CACNA2D3: variants seen among roughly 807,000 people sequenced by gnomAD.
The protein encoded by CACNA2D3 is calcium voltage-gated channel auxiliary subunit alpha2delta 3, also known as voltage-dependent calcium channel subunit alpha-2/delta-3.
A neutral mutation model predicts 160.6 loss-of-function variants in CACNA2D3; 60 were observed. The observed-to-expected ratio is 0.37, with a 90% CI of 0.30 to 0.46. The LOEUF is 0.46. Among genes scored for constraint, CACNA2D3 ranks in the 20% least tolerant of loss-of-function variants. CACNA2D3 has a pLI of 1.00. For synonymous variants in CACNA2D3, 558 were observed against 492.9 expected (o/e 1.13, Z -1.75); for missense variants, 1,205 against 1,365.0 (o/e 0.88, Z 1.85).
chr3:55,000,783 C>T (rs748555465), intron 31 of CACNA2D3, among the ~76,000 whole-genome samples: 1 of 152,060 alleles, frequency 6.6e-6, no homozygotes, highest in Non-Finnish European at 1.5e-5. Flanking sequence ...AGCCCTTCAG[C>T]TTGGGTTGAA....
rs548215220 is a variant in CACNA2D3, at chr3:54,461,517, G to T, written c.382-41975G>T. Among the ~76,000 whole-genome samples the T allele has an allele frequency of 9.4e-4, 142 of 151,562 alleles. 1 individual carries two copies. Among genetic ancestry groups the T allele is most frequent in the African/African-American group, 3.2e-3 (133 of 41,168 alleles). ...GGTTTAGTCTTGGGAGGGTGTACGT[G>T]TCGAGGAATTTATCCATTTCTTCTA... On this transcript the variant is annotated intron_variant, in intron 4 of 37. Coordinates refer to ENST00000474759, the MANE Select transcript of CACNA2D3 (RefSeq NM_018398.3).
intron 27 of CACNA2D3, among the ~76,000 whole-genome samples, chr3:54,950,141 A>C (rs942715031): frequency 2.0e-5 from 3 of 152,238 alleles, no homozygotes; most frequent in Non-Finnish European, 4.4e-5. Flanking sequence ...GTCATAAGTG[A>C]AAAGTAGGGA....
chr3:54,987,667 G>C lies in CACNA2D3; in HGVS notation c.2620-16G>C. On this transcript the variant is annotated splice_polypyrimidine_tract_variant and intron_variant, in intron 30 of 37. Coordinates refer to ENST00000474759, the MANE Select transcript of CACNA2D3 (RefSeq NM_018398.3). ...ATTATTTATCTACACCTCCTCATAT[G>C]TCTTCTTCCCCATAGACTGGAGACT... The C allele has an allele frequency of 6.4e-7, 1 of 1,571,466 alleles. No individual in the cohort carries two copies. Among genetic ancestry groups the C allele is most frequent in the Non-Finnish European group, 8.7e-7 (1 of 1,154,902 alleles).
chr3:54,273,602 C>A (rs1256822208), intron 2 of CACNA2D3, among the ~76,000 whole-genome samples: 1 of 152,184 alleles, frequency 6.6e-6, no homozygotes, highest in Non-Finnish European at 1.5e-5. Flanking sequence ...GTCTGAAGTG[C>A]AGGCAATTTA....
intron 5 of CACNA2D3, among the ~76,000 whole-genome samples, chr3:54,520,616 A>G (rs1192164348): frequency 6.6e-6 from 1 of 152,192 alleles, no homozygotes; most frequent in Admixed American, 6.5e-5. Context: ...TTGAGATACA[A>G]TTCACATAAC....
At chr3:54,406,750 G>A (rs1268081994) in intron 4 of CACNA2D3, among the ~76,000 whole-genome samples, 2 of 152,094 alleles carry the variant, frequency 1.3e-5, no homozygotes, top group Non-Finnish European at 2.9e-5. Flanking sequence ...TGTGCAACAT[G>A]AGAACTATAG....
chr3:54,577,039 TCAAAAACAAACAAA>T (rs1328147766), intron 8 of CACNA2D3, among the ~76,000 whole-genome samples: 1 of 151,892 alleles, frequency 6.6e-6, no homozygotes, highest in Non-Finnish European at 1.5e-5. Context: ...GACCCGCGTT[TCAAAAACAAACAAA>T]CAAAAACAAA....
chr3:54,168,871 G>A (rs926058951), intron 2 of CACNA2D3, among the ~76,000 whole-genome samples: 1 of 152,158 alleles, frequency 6.6e-6, no homozygotes, highest in African/African-American at 2.4e-5. Context: ...TGTAGGTGCC[G>A]CATCCCAGGG....
chr3:54,978,072 C>G (rs180970005), intron 29 of CACNA2D3, among the ~76,000 whole-genome samples: 48 of 152,224 alleles, frequency 3.2e-4, no homozygotes, highest in Non-Finnish European at 5.1e-4. Flanking sequence ...AGAGTTTACT[C>G]TCATCACCAT....
intron 20 of CACNA2D3, among the ~76,000 whole-genome samples, chr3:54,880,310 A>G (rs1316056870): frequency 6.6e-6 from 1 of 152,226 alleles, no homozygotes; most frequent in Non-Finnish European, 1.5e-5. Flanking sequence ...TAGACTAGGG[A>G]GAGGATTGGG....
intron 3 of CACNA2D3, among the ~76,000 whole-genome samples, chr3:54,370,827 C>G (rs1373528447): frequency 6.9e-6 from 1 of 145,916 alleles, no homozygotes; most frequent in Non-Finnish European, 1.5e-5. Flanking sequence ...TTTCTCACCC[C>G]CGACTCCAGA....
At chr3:54,764,069 T>C (rs1702172119) in intron 12 of CACNA2D3, 149 bp from the exon 13 acceptor site, 1 of 791,162 alleles carries the variant, frequency 1.3e-6, no homozygotes, top group South Asian at 1.9e-5. Context: ...GGAGCTAACG[T>C]TGAAAAGAAA....
At chr3:54,739,799 T>TTA (rs969269476) in intron 11 of CACNA2D3, among the ~76,000 whole-genome samples, 1 of 143,374 alleles carries the variant, frequency 7.0e-6, no homozygotes, top group African/African-American at 2.8e-5. Context: ...GTGTGTGGAA[T>TTA]TATATATATG....
intron 18 of CACNA2D3, chr3:54,878,642 A>G (rs1326820460): frequency 6.0e-6 from 1 of 165,296 alleles, no homozygotes; most frequent in African/African-American, 2.4e-5. Flanking sequence ...TACGTTTTGA[A>G]AAGTGATTTC....
At chr3:54,386,665 C>T in intron 3 of CACNA2D3, 50 bp from the exon 4 acceptor site, 4 of 1,505,882 alleles carry the variant, frequency 2.7e-6, no homozygotes, top group Non-Finnish European at 3.6e-6. Flanking sequence ...GGGTTCAGGC[C>T]ACAATTCTGA....
chr3:54,851,967 A>G (rs957559491), intron 17 of CACNA2D3, among the ~76,000 whole-genome samples: 5 of 152,326 alleles, frequency 3.3e-5, no homozygotes, highest in South Asian at 4.1e-4. Context: ...GCACAGGTCT[A>G]GAGTGTGACC....
rs140862799 is a variant in CACNA2D3, at chr3:54,799,861, G to A, written c.1381-16992G>A. 4.6e-3 allele frequency among the ~76,000 whole-genome samples: 697 copies of A among 152,248 alleles called. 9 individuals carry two copies. The highest frequency in any genetic ancestry group is 0.04 in the Admixed American group (609 of 15,298). ...CAGGTTGACAGGAGGCTGAAAGGAA[G>A]TATCAGTACCTTCCTCTACTGTGTC... On this transcript the variant is annotated intron_variant, in intron 13 of 37. Coordinates refer to ENST00000474759, the MANE Select transcript of CACNA2D3 (RefSeq NM_018398.3).
At chr3:54,588,961 T>G (rs1702811497) in intron 9 of CACNA2D3, among the ~76,000 whole-genome samples, 1 of 151,806 alleles carries the variant, frequency 6.6e-6, no homozygotes. Flanking sequence ...TGTATAATAA[T>G]ACCAAACTGT....
chr3:54,871,208 C>CAG (rs1297498940), intron 17 of CACNA2D3, among the ~76,000 whole-genome samples: 1 of 115,514 alleles, frequency 8.7e-6, no homozygotes, highest in African/African-American at 3.4e-5. Context: ...CACACACACA[C>CAG]ACACACACAC....
Sources: allele counts gnomAD v4.1 joint callset (sites outside exome capture counted in the v4.1 genomes callset), GRCh38; gene constraint gnomAD v4.1.1; transcripts MANE v1.5; gene names NCBI Gene and HGNC (gene_info 2026-07-23, HGNC 2026-07-21).